The following VWC2 variants were observed in gnomAD, a reference collection of about 807,000 sequenced individuals.
VWC2 encodes brorin.
Under a neutral mutation model 29.8 loss-of-function variants are expected in VWC2, and 14 were observed. The observed-to-expected ratio is 0.47, with a 90% CI of 0.31 to 0.74. The LOEUF (loss-of-function observed/expected upper bound fraction) is 0.74. Ranked by LOEUF, VWC2 falls within the 30% of genes least tolerant of loss-of-function variation. The probability of loss-of-function intolerance (pLI) is 0.05; values close to 1 mark genes in which losing one functional copy is unlikely to be tolerated. For synonymous variants in VWC2, 213 were observed against 199.0 expected, an observed-to-expected ratio of 1.07 and a Z score of -0.59; for missense variants, 457 against 459.8, an observed-to-expected ratio of 0.99 and a Z score of 0.05.
intron 2 of VWC2, among the ~76,000 whole-genome samples, chr7:49,789,282 AGAGTGT>A (rs1338837061): frequency 1.6e-5 from 2 of 124,324 alleles, no homozygotes; most frequent in African/African-American, 3.1e-5. Context: ...GGTGTGTGTG[AGAGTGT>A]GAGTGTGAGC....
At chr7:49,871,798 C>G (rs529688836) in intron 3 of VWC2, among the ~76,000 whole-genome samples, 2 of 150,764 alleles carry the variant, frequency 1.3e-5, no homozygotes, top group South Asian at 4.2e-4. Flanking sequence ...TTTGTAATTA[C>G]ATTTAAGGGA....
intron 3 of VWC2, among the ~76,000 whole-genome samples, chr7:49,819,462 C>T (rs1789217904): frequency 6.6e-6 from 1 of 152,214 alleles, no homozygotes; most frequent in African/African-American, 2.4e-5. Context: ...GCAGCCAAAA[C>T]ACGGGCCATG....
intron 3 of VWC2, among the ~76,000 whole-genome samples, chr7:49,911,059 A>C (rs1343120935): frequency 6.6e-6 from 1 of 152,216 alleles, no homozygotes; most frequent in African/African-American, 2.4e-5. Flanking sequence ...AGTGTCCTGA[A>C]GAGGACTGGT....
At chr7:49,848,556 T>TATCA (rs1790051754) in intron 3 of VWC2, among the ~76,000 whole-genome samples, 1 of 152,230 alleles carries the variant, frequency 6.6e-6, no homozygotes, top group African/African-American at 2.4e-5. Context: ...CTCTCTCGTT[T>TATCA]CCTGGTTTAT....
chr7:49,881,117 G>A (rs975585803), intron 3 of VWC2, among the ~76,000 whole-genome samples: 10 of 152,150 alleles, frequency 6.6e-5, no homozygotes, highest in African/African-American at 2.2e-4. Flanking sequence ...CAGCCTGAGA[G>A]GCCAGGTTTG....
At chr7:49,814,585 A>C (rs1333145890) in intron 3 of VWC2, among the ~76,000 whole-genome samples, 6 of 152,190 alleles carry the variant, frequency 3.9e-5, no homozygotes, top group African/African-American at 4.8e-5. Flanking sequence ...TATTGCTACC[A>C]GTTTATTGGG....
rs1432573170 is a variant in VWC2, at chr7:49,919,170, C to T, written c.*6985C>T. 6.6e-6 allele frequency: 1 copy of T among 152,000 alleles called. No homozygotes were observed. The highest frequency in any genetic ancestry group is 1.5e-5 in the Non-Finnish European group (1 of 68,040). The allele number at this position is 152,000 out of a possible 1,614,324, so 9.4% of individuals were successfully genotyped here. ...ATAGCTCTACCTGCTTCCAAATATT[C>T]TTCCCTGGGGAGCAGCTGTGAGTCT... On this transcript the variant is annotated 3_prime_UTR_variant, in exon 4 of 4. Transcript: ENST00000340652.
chr7:49,845,742 G>T (rs1324451257), intron 3 of VWC2, among the ~76,000 whole-genome samples: 1 of 152,220 alleles, frequency 6.6e-6, no homozygotes, highest in Non-Finnish European at 1.5e-5. Flanking sequence ...GCACTTCCCA[G>T]TACAAAACAG....
At chr7:49,861,903 G>A (rs1483544185) in intron 3 of VWC2, among the ~76,000 whole-genome samples, 2 of 152,120 alleles carry the variant, frequency 1.3e-5, no homozygotes, top group Non-Finnish European at 2.9e-5. Context: ...GTAACTTGGT[G>A]GTAAATTGGG....
intron 3 of VWC2, among the ~76,000 whole-genome samples, chr7:49,887,476 T>A (rs1285146598): frequency 6.6e-6 from 1 of 150,514 alleles, no homozygotes; most frequent in East Asian, 1.9e-4. Context: ...TGGATTACAA[T>A]GTTTTTGTTT....
intron 3 of VWC2, among the ~76,000 whole-genome samples, chr7:49,808,859 AG>A (rs1373254720): frequency 6.6e-6 from 1 of 152,040 alleles, no homozygotes; most frequent in Non-Finnish European, 1.5e-5. Flanking sequence ...AATGCACTAT[AG>A]ATTATTGGAT....
chr7:49,818,489 A>G (rs1265194465), intron 3 of VWC2, among the ~76,000 whole-genome samples: 1 of 152,018 alleles, frequency 6.6e-6, no homozygotes, highest in Non-Finnish European at 1.5e-5. Flanking sequence ...AAGCACTGAA[A>G]ACATTCATCC....
chr7:49,825,073 A>G (rs922952277), intron 3 of VWC2, among the ~76,000 whole-genome samples: 1 of 152,048 alleles, frequency 6.6e-6, no homozygotes, highest in Non-Finnish European at 1.5e-5. Flanking sequence ...TACATTGGAT[A>G]ATTTATACTG....
intron 3 of VWC2, among the ~76,000 whole-genome samples, chr7:49,822,658 C>T (rs139352906): frequency 3.3e-5 from 5 of 152,160 alleles, no homozygotes; most frequent in East Asian, 1.9e-4. Context: ...AGGCTGGTCT[C>T]GAACTCCTGG....
At position 49,886,410 on chromosome 7, in the gene VWC2, A is replaced by T. The variant is rs1421303649; in HGVS notation, c.827-25624A>T. 2.0e-5 allele frequency among the ~76,000 whole-genome samples: 3 copies of T among 152,338 alleles called. No homozygotes were observed. The East Asian group carries it at 5.8e-4, about 29-fold the overall frequency. On this transcript the variant is annotated intron_variant, in intron 3 of 3. Transcript: ENST00000340652. ...ATGCTTTATGCTAATATAGGTAATT[A>T]AAAATGATATGATTACTTTTTAATT...
At chr7:49,910,595 A>G (rs1793354203) in intron 3 of VWC2, among the ~76,000 whole-genome samples, 1 of 80,698 alleles carries the variant, frequency 1.2e-5, no homozygotes, top group African/African-American at 5.2e-5. Flanking sequence ...ACACAAAGCC[A>G]TTAATCTTTT....
At chr7:49,831,784 G>A (rs1432455936) in intron 3 of VWC2, among the ~76,000 whole-genome samples, 1 of 152,176 alleles carries the variant, frequency 6.6e-6, no homozygotes, top group African/African-American at 2.4e-5. Flanking sequence ...AGCAAGAAGA[G>A]ACTTTTATTC....
At chr7:49,799,916 T>C (rs1788697250) in intron 2 of VWC2, among the ~76,000 whole-genome samples, 1 of 152,234 alleles carries the variant, frequency 6.6e-6, no homozygotes, top group Admixed American at 6.5e-5. Context: ...GGTATTTTTG[T>C]ATCTAAACAT....
At chr7:49,866,435 C>T (rs1790893551) in intron 3 of VWC2, among the ~76,000 whole-genome samples, 2 of 152,190 alleles carry the variant, frequency 1.3e-5, no homozygotes, top group African/African-American at 4.8e-5. Context: ...CTCAGGCTTG[C>T]GAGTGCAGTA....
Sources: allele counts gnomAD v4.1 joint callset (sites outside exome capture counted in the v4.1 genomes callset), GRCh38; gene constraint gnomAD v4.1.1; transcripts MANE v1.5; gene names NCBI Gene and HGNC (gene_info 2026-07-23, HGNC 2026-07-21).